TAF6: variants seen among roughly 807,000 people sequenced by gnomAD.
TAF6 encodes transcription initiation factor TFIID subunit 6.
A neutral mutation model predicts 73.5 loss-of-function variants in TAF6; 50 were observed. The ratio of observed to expected loss-of-function variants is 0.68; its 90% CI spans 0.54 to 0.86. The LOEUF is 0.86. Among genes scored for constraint, TAF6 ranks in the 40% least tolerant of loss-of-function variants. The pLI is 0.00. For missense variants in TAF6, 768 were observed against 899.5 expected (o/e 0.85, Z 1.87); for synonymous variants, 424 against 376.7 (o/e 1.13, Z -1.45).
At position 100,113,397 on chromosome 7, in the gene TAF6, G is replaced by C; in HGVS notation, c.406C>G (p.Leu136Val). 2 of 1,592,432 alleles carry C rather than the reference G, an allele frequency of 1.3e-6. No individual in the cohort carries two copies. Among genetic ancestry groups the C allele is most frequent in the Admixed American group, 1.8e-5 (1 of 55,904 alleles). ...GCTGGCTGGCAGCCCTCGATGCTCA[G>C]CCAATGAGCTGCAAGGAAGGCAGGT... ...PLDVCLKAHW[L>V]SIEGCQPAIP... The change falls in exon 5 of 15, where the codon CTG (leucine) becomes GTG (valine). Residue 136 changes from leucine (L) to valine (V), a missense_variant. By Grantham distance (32) the Leu-to-Val change is conservative. This residue lies in a region of TAF6 where 269 missense variants were observed against 268.0 expected (regional missense o/e 1.00). Coordinates refer to ENST00000453269, the MANE Select transcript of TAF6 (RefSeq NM_139315.3).
At chr7:100,121,116 A>ATATATATT (rs1584585316), upstream of TAF6, 8 of 52,776 alleles carry the variant, frequency 1.5e-4, no homozygotes, top group African/African-American at 2.9e-4. Context: ...ATATATATAT[A>ATATATATT]TTTTTTTTTT....
chr7:100,107,165 G>A lies in TAF6; in HGVS notation c.*81C>T, dbSNP rs1796587822. 32 of 1,503,816 alleles carry A rather than the reference G, an allele frequency of 2.1e-5. No individual in the cohort carries two copies. The highest frequency in any genetic ancestry group is 4.0e-5 in the South Asian group (3 of 74,516). 93.2% of individuals were successfully genotyped at this position (1,503,816 alleles called of 1,614,324 possible). ...AGGAAGCAATCTACAACTTCCTTCCGCTTAGCGAGCATGCATGTGTGTACG... is the reference window on the plus strand; with the variant it reads ...AGGAAGCAATCTACAACTTCCTTCCACTTAGCGAGCATGCATGTGTGTACG... On this transcript the variant is annotated 3_prime_UTR_variant, in exon 15 of 15. Transcript: ENST00000453269.
At chr7:100,121,592 G>A (rs910884659), upstream of TAF6, among the ~76,000 whole-genome samples, 5 of 151,718 alleles carry the variant, frequency 3.3e-5, no homozygotes, top group South Asian at 2.1e-4. Flanking sequence ...TTACAGGTGC[G>A]CACCACCACA....
chr7:100,122,862 C>A, upstream of TAF6: 1 of 1,613,830 alleles, frequency 6.2e-7, no homozygotes. Flanking sequence ...CCCTCTGGAG[C>A]TTTGGGATGA....
the TAF6 span, chr7:100,127,028 T>A: frequency 2.8e-3 from 595 of 212,102 alleles, 1 homozygote; most frequent in Middle Eastern, 4.9e-3. This position sits in a 1 kb window ranked among gnomAD's most constrained non-coding sequence, Gnocchi z 4.6. Flanking sequence ...ATTTCTGCGC[T>A]TTCTTCGAGT....
chr7:100,113,227 ACTGCACTCCAGCACTC>A lies in TAF6; in HGVS notation c.454+106_454+121del, dbSNP rs1253344316. 1.3e-5 allele frequency: 13 copies of A among 971,778 alleles called. No individual in the cohort carries two copies. In the Admixed American group the frequency reaches 1.7e-4, roughly 13 times the overall value. 60.2% of individuals were successfully genotyped at this position (971,778 alleles called of 1,614,324 possible). A position where few individuals can be genotyped will look rare whatever the true frequency, so the allele number is the denominator to read the frequency against. On this transcript the variant is annotated intron_variant, in intron 5 of 14. Transcript: ENST00000453269. The stretch of plus-strand genomic sequence containing the variant: ...GTTTGCAGTGAGCCAAGATTGAGCC[ACTGCACTCCAGCACTC>A]CTGCACTCCAGCACAGGCAACAGAG...
At chr7:100,122,416 C>G (rs182207201), upstream of TAF6, 62 of 1,614,058 alleles carry the variant, frequency 3.8e-5, no homozygotes, top group Admixed American at 1.0e-3. Flanking sequence ...CCCTTTCCAA[C>G]CCCCAACGGA....
intron 6 of TAF6, 49 bp downstream of exon 6, chr7:100,112,749 A>G (rs1464364230): frequency 6.5e-7 from 1 of 1,542,212 alleles, no homozygotes; most frequent in Non-Finnish European, 8.7e-7. Context: ...ACAAACGGCC[A>G]TGTGGCTTTG....
rs185350046 is a variant in TAF6, at chr7:100,112,925, G to T, written c.455-8C>A. On this transcript the variant is annotated splice_polypyrimidine_tract_variant and splice_region_variant and intron_variant, in intron 5 of 14. Coordinates refer to ENST00000453269, the MANE Select transcript of TAF6 (RefSeq NM_139315.3). ...TCTGTTGCTCTTTGGGAGCTGGTGG[G>T]AAAGCAGGCACAGCGGGAGGGGTGA... 3 of 1,610,470 alleles carry T rather than the reference G, an allele frequency of 1.9e-6. No homozygotes were observed. Among genetic ancestry groups the T allele is most frequent in the Non-Finnish European group, 2.5e-6 (3 of 1,178,334 alleles).
At chr7:100,125,461 G>A in the TAF6 span, 1 of 152,228 alleles carries the variant, frequency 6.6e-6, no homozygotes, top group African/African-American at 2.4e-5. Context: ...TTTTATAGGT[G>A]CTCAATTTTC....
intron 8 of TAF6, 26 bp from the exon 9 acceptor site, chr7:100,111,855 T>C (rs769387051): frequency 6.2e-7 from 1 of 1,614,080 alleles, no homozygotes; most frequent in African/African-American, 1.3e-5. Context: ...GTGCTGGGCA[T>C]GGGGCAGGGA....
At position 100,108,120 on chromosome 7, in the gene TAF6, G is replaced by A. The variant is rs769516612; in HGVS notation, c.1462C>T (p.Arg488Trp). 7.5e-6 allele frequency: 12 copies of A among 1,594,760 alleles called. No homozygotes were observed. The highest frequency in any genetic ancestry group is 2.3e-5 in the East Asian group (1 of 44,368). ...GCCTGCGAGAGGGTCAGCGTGGGCCGGGGCTGCGGGGAGAAGAGGAAAGGG... is the reference window on the plus strand; with the variant it reads ...GCCTGCGAGAGGGTCAGCGTGGGCCAGGGCTGCGGGGAGAAGAGGAAAGGG... ...NRTTLTITQPRPTLTLSQAPQ... is the reference protein window; with the variant it reads ...NRTTLTITQPWPTLTLSQAPQ... Residue 488 changes from arginine (R) to tryptophan (W), a missense_variant, in exon 14 of 15, where the codon CGG becomes TGG. Coordinates refer to ENST00000453269, the MANE Select transcript of TAF6 (RefSeq NM_139315.3).
upstream of TAF6, chr7:100,122,515 T>C (rs761427171): frequency 1.4e-5 from 23 of 1,614,036 alleles, no homozygotes; most frequent in South Asian, 3.3e-5. Flanking sequence ...AGAGAATTTA[T>C]GTGAGCGGAT....
Position 100,108,355 on chromosome 7 carries a change from C to T in TAF6, c.1458+12G>A. ...GCTTCCTCCTATTCCTCCTCCCCAC[C>T]CGGCCACGGACCTGCGTGATGGTCA... On this transcript the variant is annotated intron_variant, in intron 13 of 14. Transcript: ENST00000453269. 6.3e-7 allele frequency: 1 copy of T among 1,590,308 alleles called. No individual in the cohort carries two copies.
At chr7:100,122,426 A>C, upstream of TAF6, 1 of 1,614,002 alleles carries the variant, frequency 6.2e-7, no homozygotes, top group South Asian at 1.1e-5. Flanking sequence ...CCCCCAACGG[A>C]GCCCTGGGAG....
At chr7:100,110,629 T>C (rs1321383145) in intron 10 of TAF6, among the ~76,000 whole-genome samples, 1 of 152,128 alleles carries the variant, frequency 6.6e-6, no homozygotes, top group Non-Finnish European at 1.5e-5. Context: ...CTGACCAACA[T>C]GGAGAAACCC....
At chr7:100,127,068 G>A in the TAF6 span, 1 of 339,238 alleles carries the variant, frequency 2.9e-6, no homozygotes, top group Admixed American at 4.8e-5. This position sits in a 1 kb window ranked among gnomAD's most constrained non-coding sequence, Gnocchi z 4.6. Flanking sequence ...GCCCAAGGTA[G>A]AGCGCGGCTA....
upstream of TAF6, chr7:100,119,908 C>T: frequency 6.5e-7 from 1 of 1,527,212 alleles, no homozygotes; most frequent in African/African-American, 1.4e-5. Context: ...GGCCACACCT[C>T]CTTCTTCTAG....
At chr7:100,110,141 G>A (rs1562924040) in intron 11 of TAF6, 59 bp downstream of exon 11, 1 of 1,613,894 alleles carries the variant, frequency 6.2e-7, no homozygotes. Flanking sequence ...GGGGTACAGT[G>A]CCCTCTATAA....
Sources: allele counts gnomAD v4.1 joint callset (sites outside exome capture counted in the v4.1 genomes callset), GRCh38; gene constraint gnomAD v4.1.1; regional missense constraint gnomAD v4.1.1; non-coding constraint Gnocchi (gnomAD v3.1); transcripts MANE v1.5; gene names NCBI Gene and HGNC (gene_info 2026-07-23, HGNC 2026-07-21).